The following STAG1 variants were observed in gnomAD, a reference collection of about 807,000 sequenced individuals.
STAG1 encodes cohesin subunit SA-1.
Under a neutral mutation model 170.9 loss-of-function variants are expected in STAG1, and 26 were observed. The observed-to-expected ratio is 0.15, with a 90% CI of 0.11 to 0.21. STAG1 has a LOEUF of 0.21. Among genes scored for constraint, STAG1 ranks in the 10% least tolerant of loss-of-function variants. STAG1 has a pLI of 1.00. For synonymous variants in STAG1, 514 were observed against 497.7 expected, an observed-to-expected ratio of 1.03 and a Z score of -0.44; for missense variants, 964 against 1,509.5, an observed-to-expected ratio of 0.64 and a Z score of 5.99.
chr3:136,489,896 A>G (rs1196095807), intron 9 of STAG1, among the ~76,000 whole-genome samples: 4 of 152,144 alleles, frequency 2.6e-5, no homozygotes, highest in Admixed American at 2.0e-4. Flanking sequence ...GAGAGGAGAG[A>G]AGGTGGTCAA....
chr3:136,352,806 C>A (rs981841024), intron 28 of STAG1, among the ~76,000 whole-genome samples: 7 of 151,970 alleles, frequency 4.6e-5, no homozygotes, highest in Non-Finnish European at 1.0e-4. Flanking sequence ...AAGTATTCTG[C>A]GTGTTAAAGG....
rs3994936 is a variant in STAG1, at chr3:136,336,960, AAGAGAG to A, written c.*1288_*1293del. 4 of 152,234 alleles carry A rather than the reference AAGAGAG, an allele frequency of 2.6e-5. No individual in the cohort carries two copies. The East Asian group carries it at 7.7e-4, about 29-fold the overall frequency. The allele number at this position is 152,234 out of a possible 1,614,324, so 9.4% of individuals were successfully genotyped here. A position where few individuals can be genotyped will look rare whatever the true frequency, so the allele number is the denominator to read the frequency against. On this transcript the variant is annotated 3_prime_UTR_variant, in exon 34 of 34. Transcript: ENST00000383202. ...AGGCTTACTTTAGAAATCAGAAAGGAAGAGAGAGACTAAGTGGGGTTTTTAAAACAA... is the reference window on the plus strand; with the variant it reads ...AGGCTTACTTTAGAAATCAGAAAGGAAGACTAAGTGGGGTTTTTAAAACAA...
chr3:136,426,251 C>CA (rs901494262), intron 16 of STAG1, among the ~76,000 whole-genome samples: 5 of 150,950 alleles, frequency 3.3e-5, no homozygotes, highest in African/African-American at 4.9e-5. Flanking sequence ...ACTAAAAATA[C>CA]AAAAAAAAAT....
intron 1 of STAG1, among the ~76,000 whole-genome samples, chr3:136,748,823 C>T (rs1935082227): frequency 6.6e-6 from 1 of 152,030 alleles, no homozygotes; most frequent in South Asian, 2.1e-4. Context: ...TTTAAATTTT[C>T]GTTTTTATTT....
chr3:136,705,423 A>T (rs111643003), intron 1 of STAG1, among the ~76,000 whole-genome samples: 36 of 135,472 alleles, frequency 2.7e-4, no homozygotes, highest in African/African-American at 1.0e-3. Flanking sequence ...ACACACACAC[A>T]CAACGAAGTT....
At chr3:136,564,443 G>T (rs1489189414) in intron 5 of STAG1, among the ~76,000 whole-genome samples, 2 of 152,190 alleles carry the variant, frequency 1.3e-5, no homozygotes, top group African/African-American at 4.8e-5. Context: ...TAGGTAAAAA[G>T]AAATGGTAAC....
At chr3:136,697,547 T>A (rs1942935777) in intron 1 of STAG1, among the ~76,000 whole-genome samples, 1 of 152,236 alleles carries the variant, frequency 6.6e-6, no homozygotes, top group African/African-American at 2.4e-5. Flanking sequence ...GTGGTCACAG[T>A]TGATTTTGAT....
chr3:136,356,745 T>TTTTTA (rs201240364), intron 28 of STAG1, among the ~76,000 whole-genome samples: 1 of 151,578 alleles, frequency 6.6e-6, no homozygotes, highest in Non-Finnish European at 1.5e-5. Context: ...TCTAAAAAAG[T>TTTTTA]TTTTATTTTA....
intron 4 of STAG1, among the ~76,000 whole-genome samples, chr3:136,576,061 C>T (rs1033771081): frequency 2.0e-5 from 3 of 151,752 alleles, no homozygotes; most frequent in Non-Finnish European, 2.9e-5. Context: ...AGGTATTATA[C>T]TACTATTTAC....
chr3:136,459,340 T>C (rs749849424), intron 13 of STAG1, among the ~76,000 whole-genome samples: 2 of 151,958 alleles, frequency 1.3e-5, no homozygotes, highest in Non-Finnish European at 2.9e-5. Context: ...CTACACTCAA[T>C]ATTGAACCTC....
chr3:136,436,198 C>T (rs2088456704), intron 15 of STAG1, among the ~76,000 whole-genome samples: 2 of 152,116 alleles, frequency 1.3e-5, no homozygotes, highest in South Asian at 4.1e-4. Flanking sequence ...TCAAGTGATC[C>T]ACCGGCCTCA....
chr3:136,626,238 C>T (rs1940086728), intron 2 of STAG1, among the ~76,000 whole-genome samples: 1 of 152,010 alleles, frequency 6.6e-6, no homozygotes, highest in Admixed American at 6.6e-5. Flanking sequence ...CCTACCTGGC[C>T]AACATAGTGA....
At chr3:136,338,526 T>TCTGA in intron 32 of STAG1, 76 bp from the exon 33 acceptor site, 1 of 1,062,370 alleles carries the variant, frequency 9.4e-7, no homozygotes, top group Non-Finnish European at 1.4e-6. Context: ...AGCTAATATT[T>TCTGA]CTGACAGTAT....
intron 5 of STAG1, among the ~76,000 whole-genome samples, chr3:136,563,048 G>T (rs2107753989): frequency 6.6e-6 from 1 of 152,250 alleles, no homozygotes; most frequent in South Asian, 2.1e-4. Flanking sequence ...TTCTTCTAAG[G>T]GCATATCAGA....
At chr3:136,551,894 C>T (rs900211432) in intron 5 of STAG1, among the ~76,000 whole-genome samples, 2 of 151,876 alleles carry the variant, frequency 1.3e-5, no homozygotes, top group Non-Finnish European at 2.9e-5. Flanking sequence ...TGTGCCTGGC[C>T]TACTTGAGAG....
At chr3:136,727,868 C>A (rs1034007574) in intron 1 of STAG1, among the ~76,000 whole-genome samples, 3 of 151,878 alleles carry the variant, frequency 2.0e-5, no homozygotes, top group Non-Finnish European at 4.4e-5. Context: ...TTTAAAAATA[C>A]CCACCATGGC....
intron 1 of STAG1, among the ~76,000 whole-genome samples, chr3:136,713,596 A>C (rs77204600): frequency 6.6e-6 from 1 of 151,896 alleles, no homozygotes; most frequent in Non-Finnish European, 1.5e-5. Context: ...AAAAAAAAAA[A>C]ATACACTGTG....
At chr3:136,631,474 T>A (rs1277738161) in intron 1 of STAG1, among the ~76,000 whole-genome samples, 2 of 152,170 alleles carry the variant, frequency 1.3e-5, no homozygotes, top group African/African-American at 4.8e-5. Context: ...GGATGTGTCA[T>A]TACAGATTTG....
intron 5 of STAG1, among the ~76,000 whole-genome samples, chr3:136,544,575 C>T (rs749765141): frequency 2.0e-5 from 3 of 151,892 alleles, no homozygotes; most frequent in Non-Finnish European, 4.4e-5. Context: ...CCAGCCTGGG[C>T]AACACGGCGA....
Sources: gnomAD v4.1 joint callset for allele counts (sites outside exome capture counted in the v4.1 genomes callset) on GRCh38, gnomAD v4.1.1 for gene constraint, MANE v1.5 for transcripts, NCBI Gene and HGNC (gene_info 2026-07-23, HGNC 2026-07-21) for gene names.